Variants in NYAP2 observed in about 807,000 individuals in gnomAD.
NYAP2 encodes neuronal tyrosine-phosphorylated phosphoinositide-3-kinase adapter 2.
A neutral mutation model predicts 50.4 loss-of-function variants in NYAP2; 23 were observed. The ratio of observed to expected loss-of-function variants is 0.46; its 90% confidence interval spans 0.33 to 0.65. NYAP2 has a LOEUF of 0.65. Ranked by LOEUF, NYAP2 falls within the 30% of genes least tolerant of loss-of-function variation. The probability of loss-of-function intolerance (pLI) is 0.02; values close to 1 mark genes in which losing one functional copy is unlikely to be tolerated. For synonymous variants in NYAP2, 394 were observed against 365.2 expected (o/e 1.08, Z -0.90); for missense variants, 885 against 861.0 (o/e 1.03, Z -0.35).
intron 3 of NYAP2, among the ~76,000 whole-genome samples, chr2:225,462,070 G>C (rs1430705828): frequency 1.3e-5 from 2 of 152,088 alleles, no homozygotes; most frequent in Admixed American, 6.5e-5. Context: ...GTCATATAAA[G>C]AAATAATATC....
chr2:225,637,765 G>A (rs1039194148), intron 6 of NYAP2, among the ~76,000 whole-genome samples: 6 of 152,142 alleles, frequency 3.9e-5, no homozygotes, highest in Admixed American at 2.6e-4. Flanking sequence ...GATTTCTCCT[G>A]ATACTGGTAG....
the NYAP2 span, among the ~76,000 whole-genome samples, chr2:225,674,608 C>A: frequency 6.6e-6 from 1 of 152,046 alleles, no homozygotes; most frequent in Non-Finnish European, 1.5e-5. Flanking sequence ...TCCAGAATCA[C>A]CATCCTATGA....
chr2:225,698,459 G>C, the NYAP2 span: 1 of 152,358 alleles, frequency 6.6e-6, no homozygotes, highest in African/African-American at 2.4e-5. Flanking sequence ...ATCTTGCCCA[G>C]CTGGAAGAAG....
At chr2:225,655,929 T>TACACACACACACACACACAC (rs1693817634), downstream of NYAP2, among the ~76,000 whole-genome samples, 48 of 62,378 alleles carry the variant, frequency 7.7e-4, no homozygotes, top group African/African-American at 2.4e-3. Context: ...CACACACACA[T>TACACACACACACACACACAC]ACACACATAC....
intron 4 of NYAP2, among the ~76,000 whole-genome samples, chr2:225,522,212 T>C (rs1381179056): frequency 6.6e-6 from 1 of 152,172 alleles, no homozygotes; most frequent in African/African-American, 2.4e-5. Flanking sequence ...TATCTCTACA[T>C]TTTCAAGTGT....
chr2:225,654,063 CT>C (rs1693784603), downstream of NYAP2: 1 of 151,922 alleles, frequency 6.6e-6, no homozygotes, highest in Non-Finnish European at 1.5e-5. Context: ...ATTAAAAGTC[CT>C]TTTCTCACCT....
chr2:225,437,754 A>G (rs1282074894), intron 3 of NYAP2, among the ~76,000 whole-genome samples: 1 of 152,242 alleles, frequency 6.6e-6, no homozygotes, highest in African/African-American at 2.4e-5. Context: ...GCTCAGGTTT[A>G]GAAAGGCTAA....
At chr2:225,673,653 A>C in the NYAP2 span, among the ~76,000 whole-genome samples, 1 of 152,158 alleles carries the variant, frequency 6.6e-6, no homozygotes, top group Non-Finnish European at 1.5e-5. Context: ...GACCACTGTG[A>C]ATCAAATTAA....
intron 6 of NYAP2, among the ~76,000 whole-genome samples, chr2:225,627,799 C>T (rs1351782712): frequency 6.6e-6 from 1 of 152,148 alleles, no homozygotes; most frequent in East Asian, 1.9e-4. Context: ...CATATGTTTG[C>T]TTTGAATTTA....
intron 3 of NYAP2, among the ~76,000 whole-genome samples, chr2:225,509,855 T>C (rs1470214957): frequency 6.6e-6 from 1 of 152,200 alleles, no homozygotes; most frequent in Non-Finnish European, 1.5e-5. Context: ...GTATTTGATC[T>C]CCTACCTGTA....
At chr2:225,458,501 C>CTA (rs1689775328) in intron 3 of NYAP2, among the ~76,000 whole-genome samples, 1 of 152,144 alleles carries the variant, frequency 6.6e-6, no homozygotes, top group South Asian at 2.1e-4. Context: ...TTTTAATAGA[C>CTA]TATAGCACAG....
At chr2:225,543,889 G>A (rs1226352067) in intron 4 of NYAP2, among the ~76,000 whole-genome samples, 1 of 151,992 alleles carries the variant, frequency 6.6e-6, no homozygotes, top group Non-Finnish European at 1.5e-5. Context: ...ATTAGGGCCT[G>A]TCTCTCTCTT....
At chr2:225,652,345 T>C (rs1417930493) in exon 7 of NYAP2, 1 of 152,176 alleles carries the variant, frequency 6.6e-6, no homozygotes, top group Non-Finnish European at 1.5e-5. Flanking sequence ...TAAGTGTTCA[T>C]GCATGGTAAA....
intron 4 of NYAP2, among the ~76,000 whole-genome samples, chr2:225,546,867 G>A (rs10804327): frequency 0.62 from 93,532 of 151,938 alleles, 31,081 homozygotes; most frequent in South Asian, 0.85. Flanking sequence ...CATTGCTGCT[G>A]GCTCTTCAGG....
intron 3 of NYAP2, among the ~76,000 whole-genome samples, chr2:225,499,651 G>C (rs1260718618): frequency 6.6e-6 from 1 of 152,114 alleles, no homozygotes; most frequent in Non-Finnish European, 1.5e-5. Context: ...AGAAGCCAGA[G>C]TACAACAGAT....
chr2:225,666,893 AC>A, the NYAP2 span, among the ~76,000 whole-genome samples: 1 of 141,982 alleles, frequency 7.0e-6, no homozygotes, highest in Admixed American at 7.1e-5. Flanking sequence ...GCTTTGCAGG[AC>A]CATTTCAAAA....
chr2:225,588,701 T>C (rs1306785238), intron 5 of NYAP2, among the ~76,000 whole-genome samples: 1 of 152,246 alleles, frequency 6.6e-6, no homozygotes, highest in African/African-American at 2.4e-5. Context: ...GGTCTACTAA[T>C]GTACGCTGGC....
intron 3 of NYAP2, among the ~76,000 whole-genome samples, chr2:225,470,792 GA>G (rs2106159025): frequency 6.7e-6 from 1 of 148,676 alleles, no homozygotes; most frequent in African/African-American, 2.6e-5. Flanking sequence ...GATCTTACAT[GA>G]AATATATATG....
the NYAP2 span, among the ~76,000 whole-genome samples, chr2:225,663,434 T>G: frequency 1.3e-5 from 2 of 152,170 alleles, no homozygotes; most frequent in African/African-American, 4.8e-5. Flanking sequence ...CAACTTTGCT[T>G]GGATTTCAAG....
Sources: allele counts gnomAD v4.1 joint callset (sites outside exome capture counted in the v4.1 genomes callset), GRCh38; gene constraint gnomAD v4.1.1; transcripts MANE v1.5; gene names NCBI Gene and HGNC (gene_info 2026-07-23, HGNC 2026-07-21).